Variants in PALMD observed in about 807,000 individuals in gnomAD.
The protein encoded by PALMD is palmdelphin, also known as paralemmin-like protein.
A neutral mutation model predicts 56.2 loss-of-function variants in PALMD; 42 were observed. That is an observed-to-expected ratio of 0.75 (90% CI 0.58 to 0.97). PALMD has a LOEUF of 0.97. Ranked by LOEUF, PALMD falls within the 50% of genes least tolerant of loss-of-function variation. The pLI is 0.00. For synonymous variants in PALMD, 242 were observed against 222.9 expected (o/e 1.09, Z -0.76); for missense variants, 660 against 643.8 (o/e 1.03, Z -0.27).
intron 1 of PALMD, among the ~76,000 whole-genome samples, chr1:99,648,167 G>C (rs1652485223): frequency 6.6e-6 from 1 of 152,194 alleles, no homozygotes; most frequent in African/African-American, 2.4e-5. Flanking sequence ...TAGCTTGGAA[G>C]TAATATACTT....
intron 1 of PALMD, among the ~76,000 whole-genome samples, chr1:99,648,866 G>A (rs1321561969): frequency 7.1e-6 from 1 of 140,966 alleles, no homozygotes; most frequent in African/African-American, 2.6e-5. Flanking sequence ...AAAGATCCAA[G>A]TGCCAGTCTT....
chr1:99,648,916 A>G (rs1285858536), intron 1 of PALMD, among the ~76,000 whole-genome samples: 2 of 151,216 alleles, frequency 1.3e-5, no homozygotes, highest in Non-Finnish European at 2.9e-5. Flanking sequence ...GGTTAAACAC[A>G]TTAAGTAGTT....
intron 2 of PALMD, among the ~76,000 whole-genome samples, chr1:99,667,300 T>C (rs1380319945): frequency 6.6e-6 from 1 of 152,218 alleles, no homozygotes; most frequent in East Asian, 1.9e-4. Context: ...GGTCCCATTA[T>C]GACTGTGATA....
Position 99,689,042 on chromosome 1 carries a change from T to A in PALMD, c.782T>A (p.Val261Glu), listed in dbSNP as rs750486058. The stretch of plus-strand genomic sequence containing the variant: ...TCCCCAACAGAGTATCATGAGCCTG[T>A]ATATGCCAATCCCTTTTACAGGCCT... The part of the protein sequence containing the change: ...SKSPTEYHEP[V>E]YANPFYRPTT... Residue 261 changes from valine to glutamate, a missense_variant, in exon 7 of 8, where the codon GTA becomes GAA. By Grantham distance (121) the Val-to-Glu change is moderately radical. Transcript: ENST00000263174. The A allele has an allele frequency of 3.7e-6, 6 of 1,613,706 alleles. No homozygotes were observed. Among genetic ancestry groups the A allele is most frequent in the Non-Finnish European group, 5.1e-6 (6 of 1,179,812 alleles).
chr1:99,681,090 T>C (rs113648124), intron 3 of PALMD, among the ~76,000 whole-genome samples: 1 of 121,136 alleles, frequency 8.3e-6, no homozygotes, highest in African/African-American at 3.2e-5. Context: ...TATATACATA[T>C]ATGTGTGTGT....
intron 1 of PALMD, among the ~76,000 whole-genome samples, chr1:99,654,823 G>C (rs962571324): frequency 2.0e-5 from 3 of 152,084 alleles, no homozygotes; most frequent in South Asian, 2.1e-4. Context: ...TGGTTGCTTG[G>C]TTGGTTGATT....
chr1:99,646,238 C>G lies in PALMD; in HGVS notation c.-80C>G. Reference sequence around the variant, plus strand: ...CTCCCTGCTTCTCTTCTGTCACCCCCGCTCCTCTCCCCCAGGAGGCTCCTT... The same window carrying G: ...CTCCCTGCTTCTCTTCTGTCACCCCGGCTCCTCTCCCCCAGGAGGCTCCTT... On this transcript the variant is annotated 5_prime_UTR_variant, in exon 1 of 8. Transcript: ENST00000263174. 1 of 1,101,900 alleles carries G rather than the reference C, an allele frequency of 9.1e-7. No individual in the cohort carries two copies. Among genetic ancestry groups the G allele is most frequent in the Non-Finnish European group, 1.4e-6 (1 of 714,980 alleles). 68.3% of individuals were successfully genotyped at this position (1,101,900 alleles called of 1,614,324 possible).
chr1:99,661,438 A>T (rs1244020721), intron 1 of PALMD, among the ~76,000 whole-genome samples: 1 of 152,204 alleles, frequency 6.6e-6, no homozygotes, highest in Non-Finnish European at 1.5e-5. Flanking sequence ...CCTCTAGAGC[A>T]CTGTGACGAG....
intron 7 of PALMD, among the ~76,000 whole-genome samples, 160 bp from the exon 8 acceptor site, chr1:99,693,859 T>C (rs1313637702): frequency 6.6e-6 from 1 of 152,196 alleles, no homozygotes; most frequent in Admixed American, 6.5e-5. Flanking sequence ...CCATAGCTTA[T>C]TATTTCTACT....
At chr1:99,668,622 C>G (rs1458188266) in intron 3 of PALMD, 4 of 152,220 alleles carry the variant, frequency 2.6e-5, no homozygotes, top group Admixed American at 2.6e-4. Context: ...ACTCTACTCA[C>G]AGTTTCCCTC....
chr1:99,659,770 G>A (rs1557668201), intron 1 of PALMD, among the ~76,000 whole-genome samples: 1 of 152,174 alleles, frequency 6.6e-6, no homozygotes, highest in African/African-American at 2.4e-5. Context: ...GAAAAAGTAT[G>A]CCTATCTTAA....
chr1:99,688,743 C>G lies in PALMD; in HGVS notation c.515-32C>G, dbSNP rs771440825. 3 of 1,469,504 alleles carry G rather than the reference C, an allele frequency of 2.0e-6. No homozygotes were observed. The Admixed American group carries it at 6.4e-5, about 32-fold the overall frequency. The allele number at this position is 1,469,504 out of a possible 1,614,324, so 91.0% of individuals were successfully genotyped here. The stretch of plus-strand genomic sequence containing the variant: ...GGTTAGTTTACAAAAGAAAAGTTAA[C>G]TAAATCAAAGATCAAATTTGTTTCT... On this transcript the variant is annotated intron_variant, in intron 6 of 7. Transcript: ENST00000263174.
intron 3 of PALMD, among the ~76,000 whole-genome samples, chr1:99,673,495 G>A (rs1028976630): frequency 6.6e-6 from 1 of 151,408 alleles, no homozygotes; most frequent in Non-Finnish European, 1.5e-5. Flanking sequence ...AAAAAGAGGC[G>A]AAAAAAAACT....
chr1:99,668,883 C>A (rs1653025451), intron 3 of PALMD: 2 of 152,192 alleles, frequency 1.3e-5, no homozygotes, highest in Admixed American at 6.5e-5. Context: ...GAATCATTTT[C>A]TAACCTACAA....
chr1:99,688,014 TA>T (rs1323233933), intron 6 of PALMD, among the ~76,000 whole-genome samples: 4 of 152,156 alleles, frequency 2.6e-5, no homozygotes, highest in Admixed American at 6.6e-5. Flanking sequence ...TTACCTTTCC[TA>T]TTGAAATTCC....
At chr1:99,652,323 G>T (rs1389608906) in intron 1 of PALMD, among the ~76,000 whole-genome samples, 1 of 152,070 alleles carries the variant, frequency 6.6e-6, no homozygotes, top group Non-Finnish European at 1.5e-5. Flanking sequence ...TAGATTTCTG[G>T]CTGGGCATGG....
chr1:99,656,250 A>G (rs1652722221), intron 1 of PALMD, among the ~76,000 whole-genome samples: 1 of 151,888 alleles, frequency 6.6e-6, no homozygotes, highest in Non-Finnish European at 1.5e-5. Context: ...TTTTTGCTCC[A>G]TTTTCAATAA....
chr1:99,660,579 A>G (rs747497711), intron 1 of PALMD, among the ~76,000 whole-genome samples: 22 of 152,178 alleles, frequency 1.4e-4, no homozygotes, highest in Non-Finnish European at 2.8e-4. Flanking sequence ...TTTGTTACTA[A>G]TGGCCAGATT....
At chr1:99,658,332 C>T (rs1652772128) in intron 1 of PALMD, among the ~76,000 whole-genome samples, 1 of 150,716 alleles carries the variant, frequency 6.6e-6, no homozygotes, top group Non-Finnish European at 1.5e-5. Context: ...AAAAGAAAAA[C>T]TATTACATGT....
Sources: allele counts gnomAD v4.1 joint callset (sites outside exome capture counted in the v4.1 genomes callset), GRCh38; gene constraint gnomAD v4.1.1; transcripts MANE v1.5; gene names NCBI Gene and HGNC (gene_info 2026-07-23, HGNC 2026-07-21).